DGAT2: variants seen among roughly 807,000 people sequenced by gnomAD.
DGAT2 encodes acyl-CoA retinol O-fatty-acyltransferase.
A neutral mutation model predicts 48.4 loss-of-function variants in DGAT2; 33 were observed. The observed-to-expected ratio is 0.68, with a 90% CI of 0.52 to 0.91. The LOEUF (loss-of-function observed/expected upper bound fraction) is 0.91. Among genes scored for constraint, DGAT2 ranks in the 40% least tolerant of loss-of-function variants. The pLI is 0.00. For missense variants in DGAT2, 446 were observed against 493.7 expected, an observed-to-expected ratio of 0.90 and a Z score of 0.92; for synonymous variants, 191 against 194.1, an observed-to-expected ratio of 0.98 and a Z score of 0.13.
chr11:75,798,810 A>C (rs1945083753), intron 7 of DGAT2, among the ~76,000 whole-genome samples: 1 of 152,208 alleles, frequency 6.6e-6, no homozygotes, highest in African/African-American at 2.4e-5. Context: ...CTGCTAACTG[A>C]TAGGAATTAT....
rs974208784 is a variant in DGAT2, at chr11:75,800,582, C to T, written c.*74C>T. On this transcript the variant is annotated 3_prime_UTR_variant, in exon 8 of 8. Coordinates refer to ENST00000228027, the MANE Select transcript of DGAT2 (RefSeq NM_032564.5). ...TTTTGCTCTGTAAATTTGGAAGTGT[C>T]ATGGGTGTCTGTGGGTTATTTAAAA... The T allele has an allele frequency of 2.6e-6, 4 of 1,523,690 alleles. No homozygotes were observed. The highest frequency in any genetic ancestry group is 1.4e-5 in the African/African-American group (1 of 72,306). 94.4% of individuals were successfully genotyped at this position (1,523,690 alleles called of 1,614,324 possible).
Position 75,782,692 on chromosome 11 carries a change from A to G in DGAT2, c.122-1926A>G, listed in dbSNP as rs140516775. The stretch of plus-strand genomic sequence containing the variant: ...ACCCTCAAGGATAAGCATGTGATGA[A>G]CTCATCTGGCCAGGTCCCACTGCTG... On this transcript the variant is annotated intron_variant, in intron 1 of 7. Coordinates refer to ENST00000228027, the MANE Select transcript of DGAT2 (RefSeq NM_032564.5). Among the ~76,000 whole-genome samples, 1,317 of 152,276 alleles carry G rather than the reference A, an allele frequency of 8.6e-3. 18 individuals are homozygous for G. The highest frequency in any genetic ancestry group is 0.03 in the African/African-American group (1,258 of 41,562).
chr11:75,794,344 C>T (rs886263746), intron 4 of DGAT2: 1 of 152,218 alleles, frequency 6.6e-6, no homozygotes, highest in African/African-American at 2.4e-5. Flanking sequence ...TGCTGGTGGC[C>T]AGTGACTCTG....
rs1421789612 is a variant in DGAT2 at position 75,784,739 on chromosome 11, T to G, written c.243T>G (p.Leu81=). The change falls in exon 2 of 8, where the codon CTT becomes CTG. Residue 81 remains leucine (L), a synonymous_variant. Transcript: ENST00000228027. The stretch of plus-strand genomic sequence containing the variant: ...TGCTCCAGTGGGTCCTGTCCTTCCT[T>G]GTACTGGGTAAGCTGGGCCTTAGAG... ...ISVLQWVLSF[L]VLGVACSAIL... 1 of 1,613,950 alleles carries G rather than the reference T, an allele frequency of 6.2e-7. No individual in the cohort carries two copies. The highest frequency in any genetic ancestry group is 1.3e-5 in the African/African-American group (1 of 74,994).
Position 75,796,205 on chromosome 11 carries a change from T to C in DGAT2, c.430-123T>C, listed in dbSNP as rs1590875921. 3 of 792,920 alleles carry C rather than the reference T, an allele frequency of 3.8e-6. No homozygotes were observed. In the East Asian group the frequency reaches 7.4e-5, roughly 19 times the overall value. The allele number at this position is 792,920 out of a possible 1,614,324, so 49.1% of individuals were successfully genotyped here. On this transcript the variant is annotated intron_variant, in intron 4 of 7. Coordinates refer to ENST00000228027, the MANE Select transcript of DGAT2 (RefSeq NM_032564.5). Reference sequence around the variant, plus strand: ...GTCTGAGGTAAGGTGTGGAGATTCATTGCAGCCCTCAGGCCCATGGAGGTC... The same window carrying C: ...GTCTGAGGTAAGGTGTGGAGATTCACTGCAGCCCTCAGGCCCATGGAGGTC...
rs1370545830 is a variant in DGAT2, at chr11:75,800,716, G to C, written c.*208G>C. Reference sequence around the variant, plus strand: ...TCCAGCTTGCCCTGTTCTAGGTGGTGGCTAAATCTGGGCCTAATCTGGGTG... The same window carrying C: ...TCCAGCTTGCCCTGTTCTAGGTGGTCGCTAAATCTGGGCCTAATCTGGGTG... On this transcript the variant is annotated 3_prime_UTR_variant, in exon 8 of 8. Transcript: ENST00000228027. The C allele has an allele frequency of 1.7e-6, 1 of 596,848 alleles. No homozygotes were observed. The highest frequency in any genetic ancestry group is 3.3e-5 in the Admixed American group (1 of 29,964). The allele number at this position is 596,848 out of a possible 1,614,324, so 37.0% of individuals were successfully genotyped here. A position where few individuals can be genotyped will look rare whatever the true frequency, so the allele number is the denominator to read the frequency against.
intron 1 of DGAT2, among the ~76,000 whole-genome samples, chr11:75,782,596 G>T (rs1409010733): frequency 6.6e-6 from 1 of 152,218 alleles, no homozygotes; most frequent in Non-Finnish European, 1.5e-5. Context: ...CCTGTGCTTG[G>T]ACTTCACTTC....
chr11:75,790,638 C>T, intron 3 of DGAT2, 23 bp from the exon 4 acceptor site: 1 of 1,612,462 alleles, frequency 6.2e-7, no homozygotes, highest in Non-Finnish European at 8.5e-7. Context: ...CCCCCACCAA[C>T]TCTGTATTTT....
intron 7 of DGAT2, among the ~76,000 whole-genome samples, 156 bp from the exon 8 acceptor site, chr11:75,800,198 G>A (rs1945095558): frequency 6.6e-6 from 1 of 152,186 alleles, no homozygotes; most frequent in Admixed American, 6.5e-5. Context: ...CTTTTCATCT[G>A]TAATAGGGGA....
chr11:75,794,693 A>G (rs1485075164), intron 4 of DGAT2: 2 of 152,208 alleles, frequency 1.3e-5, no homozygotes, highest in African/African-American at 4.8e-5. Flanking sequence ...GATTTTGATA[A>G]GGACAGATAG....
chr11:75,799,564 T>C (rs1336133632), intron 7 of DGAT2, among the ~76,000 whole-genome samples: 1 of 151,952 alleles, frequency 6.6e-6, no homozygotes, highest in Non-Finnish European at 1.5e-5. Flanking sequence ...GCACAGATCA[T>C]AAATGCTGGT....
chr11:75,796,942 C>T (rs1945062979), intron 5 of DGAT2: 2 of 496,940 alleles, frequency 4.0e-6, no homozygotes, highest in Admixed American at 3.8e-5. Context: ...GCATGAGTTC[C>T]CAAAACAACC....
At chr11:75,769,298 A>G (rs1944732853) in intron 1 of DGAT2, among the ~76,000 whole-genome samples, 186 bp downstream of exon 1, 1 of 151,994 alleles carries the variant, frequency 6.6e-6, no homozygotes, top group Non-Finnish European at 1.5e-5. Flanking sequence ...GTGAGGTGGG[A>G]GCGGTACCAC....
At chr11:75,786,526 G>C (rs1185537159) in intron 2 of DGAT2, among the ~76,000 whole-genome samples, 1 of 152,170 alleles carries the variant, frequency 6.6e-6, no homozygotes, top group Non-Finnish European at 1.5e-5. Context: ...CGCAGCATGT[G>C]ATGGGGACTG....
chr11:75,769,402 C>T (rs2135754223), intron 1 of DGAT2, among the ~76,000 whole-genome samples: 1 of 152,152 alleles, frequency 6.6e-6, no homozygotes, highest in African/African-American at 2.4e-5. Context: ...TCTCCCTTCA[C>T]CAGGTAGAGC....
intron 1 of DGAT2, among the ~76,000 whole-genome samples, chr11:75,784,164 G>GA (rs1207526969): frequency 2.6e-5 from 4 of 151,874 alleles, no homozygotes; most frequent in East Asian, 1.9e-4. Flanking sequence ...TACACTTGGA[G>GA]AAAAAAAACC....
At chr11:75,794,595 T>G (rs1945027569) in intron 4 of DGAT2, 1 of 152,234 alleles carries the variant, frequency 6.6e-6, no homozygotes, top group Non-Finnish European at 1.5e-5. Flanking sequence ...AAAATGTCCA[T>G]CAATCAGGGT....
At chr11:75,798,143 T>C in intron 6 of DGAT2, 84 bp from the exon 7 acceptor site, 20 of 1,414,376 alleles carry the variant, frequency 1.4e-5, no homozygotes, top group Non-Finnish European at 2.0e-5. Context: ...GGGGGATGCT[T>C]GGCCAGTGTC....
chr11:75,771,448 T>G (rs868143361), intron 1 of DGAT2, among the ~76,000 whole-genome samples: 2 of 151,890 alleles, frequency 1.3e-5, no homozygotes, highest in African/African-American at 4.8e-5. Flanking sequence ...TTGAGCTGAT[T>G]TGTTGTGTGC....
Sources: allele counts gnomAD v4.1 joint callset (sites outside exome capture counted in the v4.1 genomes callset), GRCh38; gene constraint gnomAD v4.1.1; transcripts MANE v1.5; gene names NCBI Gene and HGNC (gene_info 2026-07-23, HGNC 2026-07-21).